EPB41L1: variants seen among roughly 807,000 people sequenced by gnomAD.
The protein encoded by EPB41L1 is erythrocyte membrane protein band 4.1 like 1, also known as band 4.1-like protein 1.
Under a neutral mutation model 97.8 loss-of-function variants are expected in EPB41L1, and 29 were observed. The observed-to-expected ratio is 0.30, with a 90% CI of 0.22 to 0.40. EPB41L1 has a LOEUF of 0.40. Ranked by LOEUF, EPB41L1 falls within the 10% of genes least tolerant of loss-of-function variation. The pLI is 1.00. For missense variants in EPB41L1, 812 were observed against 1,162.3 expected (o/e 0.70, Z 4.38); for synonymous variants, 383 against 459.2 (o/e 0.83, Z 2.12).
chr20:36,122,475 G>A (rs907367705), intron 2 of EPB41L1, among the ~76,000 whole-genome samples: 4 of 152,154 alleles, frequency 2.6e-5, no homozygotes, highest in South Asian at 2.1e-4. Context: ...GGTGTCTACC[G>A]CCTCACCCAC....
At chr20:36,134,180 C>T (rs144437737) in intron 2 of EPB41L1, among the ~76,000 whole-genome samples, 165 of 152,298 alleles carry the variant, frequency 1.1e-3, no homozygotes, top group African/African-American at 3.8e-3. Context: ...TGCCACCTCC[C>T]AGAATTAGGC....
rs181705646 is a variant in EPB41L1, at chr20:36,228,519, T to C, written c.2638-813T>C. On this transcript the variant is annotated intron_variant, in intron 21 of 21. Coordinates refer to ENST00000338074, the MANE Select transcript of EPB41L1 (RefSeq NM_012156.2). ...AATTCAAGGCTGTAATGTGCATTGA[T>C]TGTGCCTGTGAATAGCTATTGCACT... is the stretch of plus-strand genomic sequence containing the variant. Among the ~76,000 whole-genome samples, 272 of 152,328 alleles carry C rather than the reference T, an allele frequency of 1.8e-3. 8 individuals carry two copies. Among genetic ancestry groups the C allele is most frequent in the Admixed American group, 0.015 (226 of 15,296 alleles).
chr20:36,173,707 C>A, intron 1 of EPB41L1, 57 bp from the exon 2 acceptor site: 1 of 1,524,710 alleles, frequency 6.6e-7, no homozygotes, highest in South Asian at 1.1e-5. Flanking sequence ...CTGCCCCTCT[C>A]GCTGTCATAC....
At chr20:36,205,999 G>T in intron 14 of EPB41L1, 1 of 1,289,926 alleles carries the variant, frequency 7.8e-7, no homozygotes, top group Non-Finnish European at 1.0e-6. Flanking sequence ...AGACGTTCTG[G>T]TGGACAAGTT....
intron 9 of EPB41L1, 82 bp downstream of exon 9, chr20:36,188,581 AACACACACACACACACAC>A (rs55990020): frequency 4.1e-4 from 192 of 467,384 alleles, no homozygotes; most frequent in African/African-American, 3.2e-3. Context: ...CTGGACTGCC[AACACACACACACACACAC>A]ACACACACAC....
intron 5 of EPB41L1, among the ~76,000 whole-genome samples, chr20:36,179,387 A>G (rs1449691038): frequency 6.6e-6 from 1 of 152,246 alleles, no homozygotes; most frequent in Non-Finnish European, 1.5e-5. Context: ...AGGCCCAGAG[A>G]GAGGCAGTTA....
intron 1 of EPB41L1, among the ~76,000 whole-genome samples, chr20:36,160,162 C>G (rs554722201): frequency 6.6e-6 from 1 of 152,234 alleles, no homozygotes; most frequent in South Asian, 2.1e-4. Flanking sequence ...TGGAAGAAAA[C>G]AGGTAGAAAA....
At chr20:36,188,847 C>A (rs1219481102) in intron 9 of EPB41L1, among the ~76,000 whole-genome samples, 1 of 149,082 alleles carries the variant, frequency 6.7e-6, no homozygotes, top group Non-Finnish European at 1.5e-5. Context: ...GCACTGCACT[C>A]CAGCCTGGGC....
At chr20:36,205,229 C>G (rs2062734686) in intron 14 of EPB41L1, among the ~76,000 whole-genome samples, 2 of 152,252 alleles carry the variant, frequency 1.3e-5, no homozygotes, top group South Asian at 4.1e-4. Flanking sequence ...TTAATGCATC[C>G]CTTCAATTTG....
At chr20:36,225,439 T>C (rs2064070212) in intron 21 of EPB41L1, among the ~76,000 whole-genome samples, 1 of 152,170 alleles carries the variant, frequency 6.6e-6, no homozygotes, top group Non-Finnish European at 1.5e-5. Flanking sequence ...ACCTGGGACC[T>C]GTATTGCCTG....
chr20:36,208,389 C>T, intron 14 of EPB41L1: 1 of 448,568 alleles, frequency 2.2e-6, no homozygotes, highest in South Asian at 1.6e-5. Flanking sequence ...CTGAGATTTG[C>T]CAGCCCCTCG....
intron 21 of EPB41L1, among the ~76,000 whole-genome samples, chr20:36,225,677 T>C (rs1222159349): frequency 6.6e-6 from 1 of 152,162 alleles, no homozygotes; most frequent in East Asian, 1.9e-4. Flanking sequence ...CTCTGGCTAT[T>C]TGCTTTCCTG....
Position 36,207,306 on chromosome 20 carries a change from GCCCAGAGTAGT to G in EPB41L1, c.1669-2178_1669-2168del. ...GGCCTCCTCCCATCACCAGCAGAAA[GCCCAGAGTAGT>G]CCCTGAAGAAGCTGAGGGGCGCATA... On this transcript the variant is annotated intron_variant, in intron 14 of 21. Coordinates refer to ENST00000338074, the MANE Select transcript of EPB41L1 (RefSeq NM_012156.2). This position sits in a 1 kb window ranked among gnomAD's most constrained non-coding sequence, Gnocchi z 4.9. 7.8e-7 allele frequency: 1 copy of G among 1,284,372 alleles called. No homozygotes were observed. Among genetic ancestry groups the G allele is most frequent in the Non-Finnish European group, 1.0e-6 (1 of 985,574 alleles). 79.6% of individuals were successfully genotyped at this position (1,284,372 alleles called of 1,614,324 possible). A position where few individuals can be genotyped will look rare whatever the true frequency, so the allele number is the denominator to read the frequency against.
At chr20:36,194,079 C>T in intron 11 of EPB41L1, 133 bp from the exon 12 acceptor site, 7 of 1,228,844 alleles carry the variant, frequency 5.7e-6, no homozygotes, top group Non-Finnish European at 8.2e-6. Context: ...TACTTCACCC[C>T]TCTGGGCAAT....
At chr20:36,178,821 C>G (rs867297750) in intron 5 of EPB41L1, 149 bp downstream of exon 5, 4 of 897,554 alleles carry the variant, frequency 4.5e-6, no homozygotes, top group Middle Eastern at 2.6e-4. Flanking sequence ...CTTTGCGAGG[C>G]TAAGGCGGGT....
At chr20:36,226,322 A>C (rs2064148884) in intron 21 of EPB41L1, among the ~76,000 whole-genome samples, 1 of 152,226 alleles carries the variant, frequency 6.6e-6, no homozygotes, top group Non-Finnish European at 1.5e-5. Flanking sequence ...CGTCAGCCAA[A>C]TGGCAATGAT....
At position 36,219,879 on chromosome 20, in the gene EPB41L1, G is replaced by A. The variant is rs757796458; in HGVS notation, c.2439+35G>A. The A allele has an allele frequency of 2.5e-6, 4 of 1,571,174 alleles. No individual in the cohort carries two copies. The South Asian group carries it at 3.3e-5, about 13-fold the overall frequency. ...AGCAGGGCGCCCCATGCCCCCAGCC[G>A]AGCTGCAGGCGAGAAGGTCATGACT... On this transcript the variant is annotated intron_variant, in intron 19 of 21. Coordinates refer to ENST00000338074, the MANE Select transcript of EPB41L1 (RefSeq NM_012156.2).
At chr20:36,220,503 T>G (rs930451465) in intron 19 of EPB41L1, among the ~76,000 whole-genome samples, 6 of 152,130 alleles carry the variant, frequency 3.9e-5, no homozygotes, top group African/African-American at 9.7e-5. Flanking sequence ...CACATTTGAC[T>G]CTGGAGGATC....
intron 7 of EPB41L1, among the ~76,000 whole-genome samples, chr20:36,186,525 A>T (rs1273844588): frequency 6.6e-6 from 1 of 152,022 alleles, no homozygotes; most frequent in African/African-American, 2.4e-5. Flanking sequence ...GCTGTCTCTG[A>T]GAGTCGCACA....
Sources: allele counts gnomAD v4.1 joint callset (sites outside exome capture counted in the v4.1 genomes callset), GRCh38; gene constraint gnomAD v4.1.1; non-coding constraint Gnocchi (gnomAD v3.1); transcripts MANE v1.5; gene names NCBI Gene and HGNC (gene_info 2026-07-23, HGNC 2026-07-21).